The following MAST4 variants were observed in gnomAD, a reference collection of about 807,000 sequenced individuals.
The protein encoded by MAST4 is microtubule-associated serine/threonine-protein kinase 4.
A neutral mutation model predicts 162.7 loss-of-function variants in MAST4; 89 were observed. That is an observed-to-expected ratio of 0.55 (90% CI 0.46 to 0.65). The LOEUF (loss-of-function observed/expected upper bound fraction) is 0.65, where lower values mean the gene tolerates loss of function less well. Among genes scored for constraint, MAST4 ranks in the 30% least tolerant of loss-of-function variants. The probability of loss-of-function intolerance (pLI) is 0.00; values close to 1 mark genes in which losing one functional copy is unlikely to be tolerated. For synonymous variants in MAST4, 1,479 were observed against 1,361.1 expected, an observed-to-expected ratio of 1.09 and a Z score of -1.91; for missense variants, 3,153 against 3,374.0, an observed-to-expected ratio of 0.93 and a Z score of 1.62.
At chr5:67,157,914 T>C (rs1772728715) in intron 26 of MAST4, among the ~76,000 whole-genome samples, 1 of 152,214 alleles carries the variant, frequency 6.6e-6, no homozygotes, top group Non-Finnish European at 1.5e-5. Flanking sequence ...AATAAATCTA[T>C]GCTTTTAAAA....
intron 3 of MAST4, among the ~76,000 whole-genome samples, chr5:66,856,757 G>C (rs1426624318): frequency 6.6e-6 from 1 of 152,152 alleles, no homozygotes; most frequent in Admixed American, 6.5e-5. Flanking sequence ...GAAGATCTTT[G>C]GATTGTGCTT....
chr5:66,807,232 C>A (rs1420446550), intron 3 of MAST4, among the ~76,000 whole-genome samples: 2 of 152,064 alleles, frequency 1.3e-5, no homozygotes, highest in African/African-American at 4.8e-5. Context: ...TGCGGTGGCT[C>A]ACGCCTGTAA....
intron 1 of MAST4, among the ~76,000 whole-genome samples, chr5:66,712,990 A>G (rs917205688): frequency 2.0e-5 from 3 of 152,180 alleles, no homozygotes; most frequent in Non-Finnish European, 4.4e-5. Context: ...ATTCATCCAA[A>G]AATGTTTGTC....
intron 12 of MAST4, among the ~76,000 whole-genome samples, chr5:67,115,660 T>C (rs1329346926): frequency 6.6e-6 from 1 of 152,192 alleles, no homozygotes; most frequent in African/African-American, 2.4e-5. Flanking sequence ...TCAGAAATGG[T>C]TTAAATCAGT....
At chr5:66,992,290 G>A (rs1427687212) in intron 4 of MAST4, among the ~76,000 whole-genome samples, 1 of 152,086 alleles carries the variant, frequency 6.6e-6, no homozygotes, top group East Asian at 1.9e-4. Context: ...ATAACTATGA[G>A]GAAAATAAAA....
intron 19 of MAST4, among the ~76,000 whole-genome samples, chr5:67,141,660 C>A (rs1035193882): frequency 2.6e-5 from 4 of 152,152 alleles, no homozygotes; most frequent in Non-Finnish European, 5.9e-5. Context: ...TGAATGGTAA[C>A]CCCTATAAAT....
chr5:67,050,239 C>T (rs759430972), intron 4 of MAST4, among the ~76,000 whole-genome samples: 6 of 152,164 alleles, frequency 3.9e-5, no homozygotes, highest in East Asian at 3.8e-4. Context: ...AAACTGTTTT[C>T]GCGATGGTAA....
At chr5:66,694,240 G>A (rs1477251560) in intron 1 of MAST4, among the ~76,000 whole-genome samples, 1 of 152,184 alleles carries the variant, frequency 6.6e-6, no homozygotes, top group East Asian at 1.9e-4. Context: ...TGAGTCTGAG[G>A]TATGAGGCTG....
At chr5:67,110,753 G>A (rs1163445711) in intron 11 of MAST4, among the ~76,000 whole-genome samples, 1 of 152,208 alleles carries the variant, frequency 6.6e-6, no homozygotes, top group Non-Finnish European at 1.5e-5. Flanking sequence ...GCTGGATGTG[G>A]TGGCTCACGC....
chr5:66,621,022 C>G (rs1282136791), intron 1 of MAST4, among the ~76,000 whole-genome samples: 1 of 151,120 alleles, frequency 6.6e-6, no homozygotes, highest in Non-Finnish European at 1.5e-5. Context: ...TTTTTTTTTC[C>G]CTGAATTCTC....
chr5:66,974,542 G>A (rs1561494731), intron 4 of MAST4, among the ~76,000 whole-genome samples: 2 of 152,158 alleles, frequency 1.3e-5, no homozygotes, highest in Admixed American at 6.5e-5. Flanking sequence ...TACTAACAAC[G>A]CGTTACAAAT....
chr5:66,983,378 T>A, intron 4 of MAST4, among the ~76,000 whole-genome samples: 1 of 152,218 alleles, frequency 6.6e-6, no homozygotes, highest in East Asian at 1.9e-4. Flanking sequence ...TTGGAGCTGA[T>A]CATTTTCATG....
At chr5:66,997,520 C>T (rs1750798886) in intron 4 of MAST4, among the ~76,000 whole-genome samples, 1 of 150,706 alleles carries the variant, frequency 6.6e-6, no homozygotes, top group African/African-American at 2.4e-5. Context: ...CAACCTCCAT[C>T]TCTGGGGTTC....
chr5:66,693,878 A>G (rs1749221904), intron 1 of MAST4, among the ~76,000 whole-genome samples: 1 of 152,308 alleles, frequency 6.6e-6, no homozygotes, highest in South Asian at 2.1e-4. Context: ...CCAAAGTTGT[A>G]GTGATCACAC....
chr5:67,144,535 A>G lies in MAST4; in HGVS notation c.2731-134A>G, dbSNP rs1770824108. 1.2e-5 allele frequency: 10 copies of G among 869,262 alleles called. No individual in the cohort carries two copies. In the South Asian group the frequency reaches 1.6e-4, roughly 14 times the overall value. 53.8% of individuals were successfully genotyped at this position (869,262 alleles called of 1,614,324 possible). ...TCTGGATTCTGGTTAACAACACTGG[A>G]AAGTACTTTCTGAATACACAATATT... is the stretch of plus-strand genomic sequence containing the variant. On this transcript the variant is annotated intron_variant, in intron 21 of 28. Transcript: ENST00000403625.
chr5:67,052,785 A>T (rs989074498), intron 4 of MAST4, among the ~76,000 whole-genome samples: 1 of 152,184 alleles, frequency 6.6e-6, no homozygotes, highest in African/African-American at 2.4e-5. Flanking sequence ...ACTTCAGTTA[A>T]TTTGCTGAAA....
intron 3 of MAST4, among the ~76,000 whole-genome samples, chr5:66,885,628 A>G (rs902422611): frequency 3.3e-5 from 5 of 152,232 alleles, no homozygotes; most frequent in African/African-American, 1.2e-4. Context: ...CCAATTGCCC[A>G]GGTAATCCAT....
chr5:67,149,663 T>C, intron 24 of MAST4, 74 bp downstream of exon 24: 17 of 1,432,578 alleles, frequency 1.2e-5, no homozygotes. Context: ...CAATTTGGAA[T>C]GCTGAATGAG....
At position 66,988,197 on chromosome 5, in the gene MAST4, G is replaced by A. The variant is rs550809983; in HGVS notation, c.675-66207G>A. ...AGTATTTATTCTGGGGAAAGAAAAC[G>A]TGCTTCATCTCTCTGATTCTGTCAC... On this transcript the variant is annotated intron_variant, in intron 4 of 28. Transcript: ENST00000403625. Among the ~76,000 whole-genome samples, 39 of 152,274 alleles carry A rather than the reference G, an allele frequency of 2.6e-4. 2 individuals are homozygous for A. The South Asian group carries it at 5.4e-3, about 21-fold the overall frequency.
Sources: gnomAD v4.1 joint callset for allele counts (sites outside exome capture counted in the v4.1 genomes callset) on GRCh38, gnomAD v4.1.1 for gene constraint, MANE v1.5 for transcripts, NCBI Gene and HGNC (gene_info 2026-07-23, HGNC 2026-07-21) for gene names.